DPYD: variants seen among roughly 807,000 people sequenced by gnomAD.
DPYD encodes the protein dihydropyrimidine dehydrogenase, also known as dihydropyrimidine dehydrogenase [NADP(+)].
Under a neutral mutation model 116.2 loss-of-function variants are expected in DPYD, and 109 were observed. That is an observed-to-expected ratio of 0.94 (90% CI 0.80 to 1.10). The LOEUF (loss-of-function observed/expected upper bound fraction) is 1.10, where lower values mean the gene tolerates loss of function less well. DPYD is among the 50% of genes least tolerant of loss of function. The pLI is 0.00. For synonymous variants in DPYD, 440 were observed against 432.0 expected (o/e 1.02, Z -0.23); for missense variants, 1,302 against 1,254.5 (o/e 1.04, Z -0.57).
intron 2 of DPYD, among the ~76,000 whole-genome samples, chr1:97,878,243 CTGAG>C (rs1024648297): frequency 6.6e-6 from 1 of 151,866 alleles, no homozygotes; most frequent in African/African-American, 2.4e-5. Context: ...TTCTAGATTA[CTGAG>C]TCTTTGTTAG....
At chr1:97,693,289 T>C (rs1483105923) in intron 6 of DPYD, among the ~76,000 whole-genome samples, 1 of 33,582 alleles carries the variant, frequency 3.0e-5, no homozygotes, top group Non-Finnish European at 4.9e-5. Flanking sequence ...AGACTCCGTC[T>C]CAAAAAAAAA....
intron 18 of DPYD, among the ~76,000 whole-genome samples, chr1:97,249,314 C>T (rs1557971550): frequency 6.6e-6 from 1 of 151,430 alleles, no homozygotes; most frequent in Non-Finnish European, 1.5e-5. Context: ...GGCAGGAAGT[C>T]AGTTCAATGA....
rs1011741068 is a variant in DPYD at position 97,109,285 on chromosome 1, T to C, written c.2623-10653A>G. ...GTAAAGATGTGAGTGCTCTGAATTATAAAAATGTCACAGAGTATTAACAAT... is the reference window on the plus strand; with the variant it reads ...GTAAAGATGTGAGTGCTCTGAATTACAAAAATGTCACAGAGTATTAACAAT... On this transcript the variant is annotated intron_variant, in intron 20 of 22. Coordinates refer to ENST00000370192, the MANE Select transcript of DPYD (RefSeq NM_000110.4). Among the ~76,000 whole-genome samples, 7 of 152,104 alleles carry C rather than the reference T, an allele frequency of 4.6e-5. No individual in the cohort carries two copies. The East Asian group carries it at 5.8e-4, about 13-fold the overall frequency.
At chr1:97,633,399 A>C (rs1657385678) in intron 8 of DPYD, among the ~76,000 whole-genome samples, 2 of 152,064 alleles carry the variant, frequency 1.3e-5, no homozygotes, top group Admixed American at 1.3e-4. Flanking sequence ...AAGCTGCCAA[A>C]GATAAGTGGC....
rs1668457278 is a variant in DPYD at position 97,323,380 on chromosome 1, A to ACG, written c.2059-17084_2059-17083insCG. Among the ~76,000 whole-genome samples, 7 of 117,150 alleles carry ACG rather than the reference A, an allele frequency of 6.0e-5. 1 individual carries two copies. Among genetic ancestry groups the ACG allele is most frequent in the African/African-American group, 1.9e-4 (7 of 36,834 alleles). 76.9% of individuals were successfully genotyped at this position (117,150 alleles called of 152,430 possible). A position where few individuals can be genotyped will look rare whatever the true frequency, so the allele number is the denominator to read the frequency against. On this transcript the variant is annotated intron_variant, in intron 16 of 22. Transcript: ENST00000370192. ...TGTACACGTATGTATACATGTGTAT[A>ACG]TGTACACGTATGTATACATATGTGT...
At chr1:97,793,809 AAG>A (rs1476160216) in intron 3 of DPYD, among the ~76,000 whole-genome samples, 2 of 152,206 alleles carry the variant, frequency 1.3e-5, no homozygotes, top group African/African-American at 2.4e-5. Context: ...AGGGTAGACA[AAG>A]ATTTTTTTAG....
chr1:97,778,511 C>T (rs1259384616), intron 3 of DPYD, among the ~76,000 whole-genome samples: 1 of 152,042 alleles, frequency 6.6e-6, no homozygotes, highest in African/African-American at 2.4e-5. Flanking sequence ...TCTCCATAGA[C>T]TAATGCTATT....
At chr1:97,323,397 CATATGTGTATATGTACACGTATAT>C (rs1558029978) in intron 16 of DPYD, among the ~76,000 whole-genome samples, 1 of 43,982 alleles carries the variant, frequency 2.3e-5, no homozygotes, top group African/African-American at 5.3e-5. Flanking sequence ...CGTATGTATA[CATATGTGTATATGTACACGTATAT>C]ATACATATGT....
chr1:97,333,280 T>C (rs1179725047), intron 16 of DPYD, among the ~76,000 whole-genome samples: 1 of 151,916 alleles, frequency 6.6e-6, no homozygotes, highest in Admixed American at 6.6e-5. Flanking sequence ...TCCAGAGTAA[T>C]ACACCCTTCT....
chr1:97,879,779 C>A (rs1571518952), intron 2 of DPYD, among the ~76,000 whole-genome samples: 2 of 151,762 alleles, frequency 1.3e-5, no homozygotes, highest in African/African-American at 4.8e-5. Flanking sequence ...AAATTTGTAT[C>A]TATTTTAATA....
intron 16 of DPYD, among the ~76,000 whole-genome samples, chr1:97,345,001 T>C (rs1002223473): frequency 1.3e-5 from 2 of 151,970 alleles, no homozygotes; most frequent in African/African-American, 4.8e-5. Context: ...GTAATCACTC[T>C]TTGCCAAATT....
intron 4 of DPYD, among the ~76,000 whole-genome samples, chr1:97,731,335 A>G (rs1225987479): frequency 6.6e-6 from 1 of 152,062 alleles, no homozygotes; most frequent in African/African-American, 2.4e-5. Context: ...CATAATTTAA[A>G]CCCATTAATA....
chr1:97,376,526 C>A (rs1395140955), intron 15 of DPYD, among the ~76,000 whole-genome samples: 1 of 152,140 alleles, frequency 6.6e-6, no homozygotes, highest in Non-Finnish European at 1.5e-5. Flanking sequence ...ACCATGAGAA[C>A]AGGAACATTC....
intron 5 of DPYD, among the ~76,000 whole-genome samples, chr1:97,712,385 T>G (rs1662338608): frequency 6.6e-6 from 1 of 152,098 alleles, no homozygotes; most frequent in Admixed American, 6.6e-5. Flanking sequence ...AGTGTAAATT[T>G]ACAGTCAACT....
intron 14 of DPYD, among the ~76,000 whole-genome samples, chr1:97,406,157 G>T (rs1024250435): frequency 4.0e-5 from 6 of 151,856 alleles, no homozygotes; most frequent in Non-Finnish European, 5.9e-5. Flanking sequence ...CTCTGCTTCA[G>T]TAAGCCATAG....
intron 12 of DPYD, 86 bp from the exon 13 acceptor site, chr1:97,516,027 C>A: frequency 7.9e-7 from 1 of 1,264,188 alleles, no homozygotes; most frequent in Non-Finnish European, 1.1e-6. Context: ...TTCAACACAG[C>A]ATCCGAATTA....
chr1:97,114,190 G>A lies in DPYD; in HGVS notation c.2623-15558C>T, dbSNP rs1570478049. 5.9e-5 allele frequency among the ~76,000 whole-genome samples: 9 copies of A among 152,212 alleles called. No individual in the cohort carries two copies. In the South Asian group the frequency reaches 1.5e-3, roughly 25 times the overall value. On this transcript the variant is annotated intron_variant, in intron 20 of 22. Coordinates refer to ENST00000370192, the MANE Select transcript of DPYD (RefSeq NM_000110.4). ...GAAAACGATGAGTGACTATCACAAA[G>A]AAAGAGAGGTGAGGGTGGACATTAC...
chr1:97,819,248 G>A (rs1411381409), intron 3 of DPYD, among the ~76,000 whole-genome samples: 1 of 151,900 alleles, frequency 6.6e-6, no homozygotes, highest in African/African-American at 2.4e-5. Context: ...GGGGAGTAGG[G>A]CTTTCAGGAG....
intron 8 of DPYD, among the ~76,000 whole-genome samples, chr1:97,662,985 C>T (rs1659354581): frequency 1.3e-5 from 2 of 152,182 alleles, no homozygotes; most frequent in Admixed American, 1.3e-4. Flanking sequence ...TGGCATCTTA[C>T]TGTGTGCCAA....
Sources: gnomAD v4.1 joint callset for allele counts (sites outside exome capture counted in the v4.1 genomes callset) on GRCh38, gnomAD v4.1.1 for gene constraint, MANE v1.5 for transcripts, NCBI Gene and HGNC (gene_info 2026-07-23, HGNC 2026-07-21) for gene names.